Variants in CDCP1 observed in about 807,000 individuals in gnomAD.
The protein encoded by CDCP1 is CUB domain-containing protein 1.
A neutral mutation model predicts 60.2 loss-of-function variants in CDCP1; 29 were observed. That is an observed-to-expected ratio of 0.48 (90% CI 0.36 to 0.66). CDCP1 has a LOEUF of 0.66. Among genes scored for constraint, CDCP1 ranks in the 30% least tolerant of loss-of-function variants. The probability of loss-of-function intolerance (pLI) is 0.00; values close to 1 mark genes in which losing one functional copy is unlikely to be tolerated. For missense variants in CDCP1, 876 were observed against 1,074.3 expected, an observed-to-expected ratio of 0.82 and a Z score of 2.58; for synonymous variants, 387 against 431.1, an observed-to-expected ratio of 0.90 and a Z score of 1.27.
rs1699040545 is a variant in CDCP1 at position 45,128,717 on chromosome 3, T to C, written c.83-10096A>G. On this transcript the variant is annotated intron_variant, in intron 1 of 8. Transcript: ENST00000296129. ...ATGTGATGATGCAAGTTGTTTCTTT[T>C]ATTTATTTTACTTTTTTGAGACAGA... Among the ~76,000 whole-genome samples, 5 of 152,228 alleles carry C rather than the reference T, an allele frequency of 3.3e-5. No homozygotes were observed. The South Asian group carries it at 1.0e-3, about 31-fold the overall frequency.
chr3:45,118,610 T>G lies in CDCP1; in HGVS notation c.94A>C (p.Ile32Leu). 1 of 1,613,824 alleles carries G rather than the reference T, an allele frequency of 6.2e-7. No homozygotes were observed. Among genetic ancestry groups the G allele is most frequent in the Non-Finnish European group, 8.5e-7 (1 of 1,179,960 alleles). ...RLPRGAEAFEIALPRESNITV... is the reference protein window; with the variant it reads ...RLPRGAEAFELALPRESNITV... ...ATGTTGCTTTCTCGTGGCAGAGCAA[T>G]CTCAAAAGCTTCTGAAGGAAGGAAG... The change falls in exon 2 of 9, where the codon ATT becomes CTT. Residue 32 changes from isoleucine to leucine, a missense_variant. By Grantham distance (5) the Ile-to-Leu change is conservative. This residue lies in a region of CDCP1 where 150 missense variants were observed against 138.6 expected (regional missense o/e 1.08). Coordinates refer to ENST00000296129, the MANE Select transcript of CDCP1 (RefSeq NM_022842.5).
intron 5 of CDCP1, among the ~76,000 whole-genome samples, chr3:45,093,861 T>C (rs928100450): frequency 1.3e-5 from 2 of 152,228 alleles, no homozygotes; most frequent in Admixed American, 6.5e-5. Context: ...ACATTCTTAC[T>C]GTTTACTAAG....
chr3:45,108,718 T>C (rs1698615501), intron 4 of CDCP1, among the ~76,000 whole-genome samples: 1 of 139,006 alleles, frequency 7.2e-6, no homozygotes, highest in Admixed American at 7.4e-5. Flanking sequence ...TATATATGCA[T>C]GTATACATAT....
chr3:45,125,455 C>A (rs764985124), intron 1 of CDCP1, among the ~76,000 whole-genome samples: 44 of 152,238 alleles, frequency 2.9e-4, no homozygotes, highest in Non-Finnish European at 3.1e-4. Context: ...TGGTGCCTCA[C>A]TTTCCTCATC....
chr3:45,087,740 C>G lies in CDCP1; in HGVS notation c.2081+1314G>C, dbSNP rs532709657. On this transcript the variant is annotated intron_variant, in intron 8 of 8. Transcript: ENST00000296129. Reference sequence around the variant, plus strand: ...TAATTTTTAAAAAAGAATTTTTTGGCTGGGTGTGGTGGCTCACGCCTGTAA... The same window carrying G: ...TAATTTTTAAAAAAGAATTTTTTGGGTGGGTGTGGTGGCTCACGCCTGTAA... Among the ~76,000 whole-genome samples the G allele has an allele frequency of 2.5e-3, 381 of 152,296 alleles. 2 individuals carry two copies. Among genetic ancestry groups the G allele is most frequent in the African/African-American group, 8.1e-3 (336 of 41,550 alleles).
intron 2 of CDCP1, among the ~76,000 whole-genome samples, chr3:45,114,633 G>A (rs1051633987): frequency 2.6e-5 from 4 of 152,030 alleles, no homozygotes; most frequent in Admixed American, 6.6e-5. Flanking sequence ...GGCTGGTCTT[G>A]AACTCCTGAC....
chr3:45,092,774 T>A (rs1389549280), intron 6 of CDCP1, among the ~76,000 whole-genome samples: 3 of 152,196 alleles, frequency 2.0e-5, no homozygotes, highest in Non-Finnish European at 2.9e-5. Context: ...GGAGACCACA[T>A]GCCAGCCTCC....
chr3:45,130,512 G>A (rs1699072668), intron 1 of CDCP1, among the ~76,000 whole-genome samples: 1 of 152,140 alleles, frequency 6.6e-6, no homozygotes, highest in South Asian at 2.1e-4. Flanking sequence ...CATCCTTCTG[G>A]ACATACACCA....
intron 2 of CDCP1, among the ~76,000 whole-genome samples, chr3:45,116,297 TTC>T (rs1491537191): frequency 6.6e-6 from 1 of 152,120 alleles, no homozygotes; most frequent in African/African-American, 2.4e-5. Flanking sequence ...ATACAGTTTT[TTC>T]TCTCTAACCT....
rs762402011 is a variant in CDCP1 at position 45,146,266 on chromosome 3, C to A, written c.22G>T (p.Val8Phe). The change falls in exon 1 of 9, where the codon GTC (valine) becomes TTC (phenylalanine). Residue 8 changes from valine to phenylalanine, a missense_variant. Coordinates refer to ENST00000296129, the MANE Select transcript of CDCP1 (RefSeq NM_022842.5). ...AGAACCCCTAGCAGTGCGATAGAGACCCCGCAGTTCAGGCCGGCCATGACT... is the reference window on the plus strand; with the variant it reads ...AGAACCCCTAGCAGTGCGATAGAGAACCCGCAGTTCAGGCCGGCCATGACT... MAGLNCG[V>F]SIALLGVLLL... is the part of the protein sequence containing the mutation. The A allele has an allele frequency of 3.8e-6, 6 of 1,588,570 alleles. No homozygotes were observed. The highest frequency in any genetic ancestry group is 5.1e-6 in the Non-Finnish European group (6 of 1,170,406).
chr3:45,130,943 T>G (rs1699081092), intron 1 of CDCP1, among the ~76,000 whole-genome samples: 1 of 152,170 alleles, frequency 6.6e-6, no homozygotes, highest in South Asian at 2.1e-4. Flanking sequence ...CACAGCTCAC[T>G]GCAGCCTTGA....
intron 1 of CDCP1, among the ~76,000 whole-genome samples, chr3:45,133,117 C>T (rs551933020): frequency 6.6e-6 from 1 of 152,172 alleles, no homozygotes; most frequent in East Asian, 1.9e-4. Flanking sequence ...GTCCACATGA[C>T]AAGGAATGTA....
intron 2 of CDCP1, among the ~76,000 whole-genome samples, chr3:45,115,711 T>TA (rs1007609610): frequency 1.5e-4 from 22 of 151,620 alleles, no homozygotes; most frequent in Admixed American, 8.5e-4. Context: ...CTTTTTTTTT[T>TA]AAATTTTTTT....
At chr3:45,093,143 T>G in intron 6 of CDCP1, 134 bp downstream of exon 6, 1 of 1,003,152 alleles carries the variant, frequency 1.0e-6, no homozygotes, top group Middle Eastern at 3.1e-4. Flanking sequence ...ATCTTTCAAA[T>G]TTCTTGTGCA....
At chr3:45,123,070 C>A (rs1203918837) in intron 1 of CDCP1, among the ~76,000 whole-genome samples, 1 of 151,516 alleles carries the variant, frequency 6.6e-6, no homozygotes, top group Non-Finnish European at 1.5e-5. Context: ...ATATGGAGAG[C>A]CCATTGTTCC....
At chr3:45,096,413 T>C (rs1307963515) in intron 4 of CDCP1, among the ~76,000 whole-genome samples, 1 of 151,862 alleles carries the variant, frequency 6.6e-6, no homozygotes, top group East Asian at 1.9e-4. Flanking sequence ...TCACCTGAGG[T>C]CAGGAGTTCA....
chr3:45,121,659 T>C (rs1331885949), intron 1 of CDCP1, among the ~76,000 whole-genome samples: 1 of 152,148 alleles, frequency 6.6e-6, no homozygotes, highest in East Asian at 1.9e-4. Context: ...CAGAGCTGCA[T>C]TGCCTAAGGC....
chr3:45,143,429 G>A (rs954572810), intron 1 of CDCP1, among the ~76,000 whole-genome samples: 1 of 152,136 alleles, frequency 6.6e-6, no homozygotes, highest in African/African-American at 2.4e-5. Context: ...TGTTGGACGT[G>A]TTCTATTTTT....
At chr3:45,138,741 C>T (rs552096061) in intron 1 of CDCP1, among the ~76,000 whole-genome samples, 2 of 152,144 alleles carry the variant, frequency 1.3e-5, no homozygotes, top group East Asian at 3.9e-4. Context: ...CCCAACTACT[C>T]AGGAGGCTGA....
Sources: gnomAD v4.1 joint callset for allele counts (sites outside exome capture counted in the v4.1 genomes callset) on GRCh38, gnomAD v4.1.1 for gene constraint, gnomAD v4.1.1 regional missense constraint, MANE v1.5 for transcripts, NCBI Gene and HGNC (gene_info 2026-07-23, HGNC 2026-07-21) for gene names.